Variants in PDZRN4 observed in about 807,000 individuals in gnomAD.
The protein encoded by PDZRN4 is PDZ domain-containing RING finger protein 4.
In PDZRN4, 70 loss-of-function variants were observed where a neutral mutation model predicts 99.0. That is an observed-to-expected ratio of 0.71 (90% CI 0.58 to 0.86). The LOEUF (loss-of-function observed/expected upper bound fraction) is 0.86. PDZRN4 is among the 40% of genes least tolerant of loss of function. The pLI, the probability that PDZRN4 is intolerant of heterozygous loss-of-function variation, is 0.00. For synonymous variants in PDZRN4, 551 were observed against 501.6 expected (o/e 1.10, Z -1.32); for missense variants, 1,474 against 1,331.2 (o/e 1.11, Z -1.67).
At chr12:41,250,145 G>T in intron 3 of PDZRN4, among the ~76,000 whole-genome samples, 1 of 152,144 alleles carries the variant, frequency 6.6e-6, no homozygotes, top group East Asian at 1.9e-4. Context: ...CATTACAAAA[G>T]TGTCTTCTGA....
chr12:41,520,154 A>C (rs1938469671), intron 5 of PDZRN4, among the ~76,000 whole-genome samples: 2 of 152,136 alleles, frequency 1.3e-5, no homozygotes, highest in African/African-American at 4.8e-5. Context: ...AAAAGCAAAA[A>C]AGTTTTTTTA....
intron 3 of PDZRN4, among the ~76,000 whole-genome samples, chr12:41,222,461 T>C (rs1454213868): frequency 6.6e-6 from 1 of 152,170 alleles, no homozygotes; most frequent in Non-Finnish European, 1.5e-5. Context: ...ATGAGTTTTA[T>C]ACTAAATTTC....
At chr12:41,247,808 G>A (rs1464148162) in intron 3 of PDZRN4, among the ~76,000 whole-genome samples, 1 of 152,048 alleles carries the variant, frequency 6.6e-6, no homozygotes, top group Non-Finnish European at 1.5e-5. Flanking sequence ...AGCCAGTTTC[G>A]AACATGGGTA....
chr12:41,555,788 T>C (rs762054174), intron 7 of PDZRN4, 28 bp downstream of exon 7: 1 of 1,513,760 alleles, frequency 6.6e-7, no homozygotes, highest in South Asian at 1.1e-5. Flanking sequence ...TTCCTTTAGT[T>C]CCCCACGATC....
chr12:41,238,070 A>C (rs1951078661), intron 3 of PDZRN4, among the ~76,000 whole-genome samples: 1 of 152,046 alleles, frequency 6.6e-6, no homozygotes, highest in Non-Finnish European at 1.5e-5. Context: ...CAGTACAGCC[A>C]TTTTCACGAT....
At chr12:41,201,135 G>A (rs931874039) in intron 3 of PDZRN4, among the ~76,000 whole-genome samples, 1 of 147,732 alleles carries the variant, frequency 6.8e-6, no homozygotes, top group African/African-American at 2.5e-5. Context: ...AGCAAAAATA[G>A]CCGTTTGAAA....
intron 5 of PDZRN4, among the ~76,000 whole-genome samples, chr12:41,551,338 C>A (rs1180328021): frequency 6.6e-6 from 1 of 152,082 alleles, no homozygotes; most frequent in Non-Finnish European, 1.5e-5. Flanking sequence ...CTACCAAAGT[C>A]CCCACCTCCT....
At chr12:41,301,106 A>T (rs1951532470) in intron 3 of PDZRN4, among the ~76,000 whole-genome samples, 1 of 152,012 alleles carries the variant, frequency 6.6e-6, no homozygotes, top group Non-Finnish European at 1.5e-5. Flanking sequence ...TAGCTTATAG[A>T]TGATTGCTGG....
chr12:41,292,961 G>A lies in PDZRN4; in HGVS notation c.843+98773G>A, dbSNP rs530373567. ...CTTAGGAGGCTCTTTTCTGAGATAC[G>A]GCTAGGAATTCTGGGGTCCTTGCAT... On this transcript the variant is annotated intron_variant, in intron 3 of 9. Transcript: ENST00000402685. 1.4e-4 allele frequency among the ~76,000 whole-genome samples: 21 copies of A among 151,488 alleles called. No homozygotes were observed. In the East Asian group the frequency reaches 3.2e-3, roughly 23 times the overall value.
Position 41,188,769 on chromosome 12 carries a change from A to C in PDZRN4, c.314A>C (p.Asp105Ala). ...CTGGAGGCGCACGTCGAGCACTGCG[A>C]CTTCGGCCCTGCCCGCCGGCTCCGC... ...HELEAHVEHC[D>A]FGPARRLRSR... is the part of the protein sequence containing the mutation. The change falls in exon 1 of 10, where the codon GAC becomes GCC. Residue 105 changes from aspartate (D) to alanine (A), a missense_variant. Coordinates refer to ENST00000402685, the MANE Select transcript of PDZRN4 (RefSeq NM_001164595.2). 7.0e-7 allele frequency: 1 copy of C among 1,424,010 alleles called. No homozygotes were observed. The highest frequency in any genetic ancestry group is 9.1e-7 in the Non-Finnish European group (1 of 1,096,746). The allele number at this position is 1,424,010 out of a possible 1,614,324, so 88.2% of individuals were successfully genotyped here.
chr12:41,418,036 T>G (rs564473890), intron 3 of PDZRN4, among the ~76,000 whole-genome samples: 63 of 152,228 alleles, frequency 4.1e-4, no homozygotes, highest in Non-Finnish European at 8.2e-4. Flanking sequence ...CAGGTTTGTA[T>G]ATTTTTATAA....
At chr12:41,378,548 G>GTTTT (rs1952098824) in intron 3 of PDZRN4, among the ~76,000 whole-genome samples, 1 of 42,310 alleles carries the variant, frequency 2.4e-5, no homozygotes. Flanking sequence ...TTGAGACAGA[G>GTTTT]TTTTGCTCTT....
rs186249669 is a variant in PDZRN4, at chr12:41,378,454, C to A, written c.844-128002C>A. ...TTTTCTTTTCTTGTATTGTCTTTAT[C>A]CAATTTTCATATCAGGGTAATAATG... On this transcript the variant is annotated intron_variant, in intron 3 of 9. Transcript: ENST00000402685. Among the ~76,000 whole-genome samples, 279 of 150,734 alleles carry A rather than the reference C, an allele frequency of 1.9e-3. 1 individual carries two copies. Among genetic ancestry groups the A allele is most frequent in the African/African-American group, 6.2e-3 (255 of 41,084 alleles).
At chr12:41,213,971 T>C (rs1435326242) in intron 3 of PDZRN4, among the ~76,000 whole-genome samples, 3 of 151,992 alleles carry the variant, frequency 2.0e-5, no homozygotes, top group African/African-American at 4.8e-5. Flanking sequence ...AATGAGTTAA[T>C]ATTTCAAAAA....
chr12:41,333,927 T>G (rs1419715159), intron 3 of PDZRN4, among the ~76,000 whole-genome samples: 1 of 152,162 alleles, frequency 6.6e-6, no homozygotes, highest in East Asian at 1.9e-4. Flanking sequence ...GCAAACATAC[T>G]GAGAATTTGA....
chr12:41,560,814 G>C (rs1939257575), intron 7 of PDZRN4, among the ~76,000 whole-genome samples: 1 of 152,178 alleles, frequency 6.6e-6, no homozygotes. Context: ...TATCTTTGCT[G>C]AAACCCATGG....
At chr12:41,227,613 T>G (rs1015757358) in intron 3 of PDZRN4, among the ~76,000 whole-genome samples, 1 of 151,980 alleles carries the variant, frequency 6.6e-6, no homozygotes, top group Non-Finnish European at 1.5e-5. Flanking sequence ...TGCAGTGTGT[T>G]AAGATCATGC....
At chr12:41,281,699 C>T (rs1419889569) in intron 3 of PDZRN4, among the ~76,000 whole-genome samples, 1 of 152,116 alleles carries the variant, frequency 6.6e-6, no homozygotes, top group Admixed American at 6.5e-5. Context: ...ACAAAGCCTC[C>T]AAGAAATATG....
At chr12:41,557,284 A>G (rs571582714) in intron 7 of PDZRN4, among the ~76,000 whole-genome samples, 95 of 152,270 alleles carry the variant, frequency 6.2e-4, no homozygotes, top group African/African-American at 2.2e-3. Context: ...ACAACTGTGA[A>G]ACAGAGAGGA....
Sources: gnomAD v4.1 joint callset for allele counts (sites outside exome capture counted in the v4.1 genomes callset) on GRCh38, gnomAD v4.1.1 for gene constraint, MANE v1.5 for transcripts, NCBI Gene and HGNC (gene_info 2026-07-23, HGNC 2026-07-21) for gene names.